The following ATP6V1A variants were observed in gnomAD, a reference collection of about 807,000 sequenced individuals.
ATP6V1A encodes the protein ATPase H+ transporting V1 subunit A, also known as V-type proton ATPase catalytic subunit A.
In ATP6V1A, 18 loss-of-function variants were observed where a neutral mutation model predicts 70.1. The ratio of observed to expected loss-of-function variants is 0.26; its 90% confidence interval spans 0.18 to 0.38. The LOEUF is 0.38. Among genes scored for constraint, ATP6V1A ranks in the 10% least tolerant of loss-of-function variants. The pLI is 1.00. For synonymous variants in ATP6V1A, 232 were observed against 253.8 expected, an observed-to-expected ratio of 0.91 and a Z score of 0.82; for missense variants, 424 against 772.4, an observed-to-expected ratio of 0.55 and a Z score of 5.35.
chr3:113,784,177 G>T, intron 3 of ATP6V1A, 47 bp from the exon 4 acceptor site: 1 of 1,532,460 alleles, frequency 6.5e-7, no homozygotes. Flanking sequence ...CCTGTTAATT[G>T]TGTCTTTAAA....
chr3:113,770,666 G>A (rs114767049), intron 1 of ATP6V1A, among the ~76,000 whole-genome samples: 142 of 152,082 alleles, frequency 9.3e-4, no homozygotes, highest in African/African-American at 3.4e-3. Flanking sequence ...GTAGCAGACT[G>A]AGACTCTGTC....
At chr3:113,760,135 T>C (rs1484241511) in intron 1 of ATP6V1A, among the ~76,000 whole-genome samples, 4 of 152,240 alleles carry the variant, frequency 2.6e-5, no homozygotes, top group African/African-American at 9.6e-5. Context: ...TTGTTAATCA[T>C]AGTATACTAG....
chr3:113,784,180 TC>T, intron 3 of ATP6V1A, 43 bp from the exon 4 acceptor site: 1 of 1,542,628 alleles, frequency 6.5e-7, no homozygotes, highest in Non-Finnish European at 8.9e-7. Context: ...GTTAATTGTG[TC>T]TTTAAACCTT....
At chr3:113,760,894 C>A (rs1160715045) in intron 1 of ATP6V1A, among the ~76,000 whole-genome samples, 1 of 151,698 alleles carries the variant, frequency 6.6e-6, no homozygotes, top group Non-Finnish European at 1.5e-5. Flanking sequence ...TGGTGAAACT[C>A]TGTCTCTACT....
intron 1 of ATP6V1A, among the ~76,000 whole-genome samples, chr3:113,748,704 A>T (rs1173900818): frequency 6.6e-6 from 1 of 152,254 alleles, no homozygotes; most frequent in Non-Finnish European, 1.5e-5. Flanking sequence ...GATGCTCCTT[A>T]GTAGAAAACA....
At chr3:113,781,900 T>C (rs148277799) in intron 3 of ATP6V1A, among the ~76,000 whole-genome samples, 1 of 152,326 alleles carries the variant, frequency 6.6e-6, no homozygotes, top group Non-Finnish European at 1.5e-5. Context: ...ATTCTTTTGA[T>C]AGCACTGAGT....
chr3:113,797,661 T>C (rs1199588840), intron 11 of ATP6V1A, among the ~76,000 whole-genome samples: 1 of 152,232 alleles, frequency 6.6e-6, no homozygotes, highest in Non-Finnish European at 1.5e-5. Flanking sequence ...AATTTTTCTT[T>C]TTGCTTTTGG....
chr3:113,784,347 A>G lies in ATP6V1A; in HGVS notation c.335A>G (p.Gln112Arg). 6.2e-7 allele frequency: 1 copy of G among 1,614,190 alleles called. No individual in the cohort carries two copies. ...IQRPLSDISS[Q>R]TQSIYIPRGV... ...AGACCTTTGTCGGATATCAGCAGTC[A>G]GACCCAAAGCATCTACATCCCCAGA... The change falls in exon 4 of 15, where the codon CAG (glutamine) becomes CGG (arginine). Residue 112 changes from glutamine (Q) to arginine (R), a missense_variant. Physicochemically the swap from Gln to Arg is conservative, Grantham distance 43. This residue lies in a region of ATP6V1A where 139 missense variants were observed against 163.5 expected (regional missense o/e 0.85). Coordinates refer to ENST00000273398, the MANE Select transcript of ATP6V1A (RefSeq NM_001690.4).
intron 13 of ATP6V1A, 88 bp from the exon 14 acceptor site, chr3:113,805,266 G>A (rs1709262350): frequency 2.3e-6 from 3 of 1,288,756 alleles, no homozygotes; most frequent in African/African-American, 1.5e-5. Context: ...CTTAGATAAA[G>A]AAACTAATGC....
At chr3:113,799,908 T>C (rs1709190843) in intron 12 of ATP6V1A, among the ~76,000 whole-genome samples, 1 of 152,090 alleles carries the variant, frequency 6.6e-6, no homozygotes, top group African/African-American at 2.4e-5. Context: ...AAACAGTCCA[T>C]GCTCTTGGAC....
At chr3:113,761,087 A>ATC (rs1708699425) in intron 1 of ATP6V1A, among the ~76,000 whole-genome samples, 1 of 126,948 alleles carries the variant, frequency 7.9e-6, no homozygotes, top group African/African-American at 3.0e-5. Flanking sequence ...AAATAGACAT[A>ATC]TTTTCTTTTC....
chr3:113,761,476 C>T (rs1227948480), intron 1 of ATP6V1A, among the ~76,000 whole-genome samples: 3 of 151,916 alleles, frequency 2.0e-5, no homozygotes, highest in South Asian at 2.1e-4. Flanking sequence ...GTGGCTCGCA[C>T]GTGTTATCCC....
At chr3:113,766,994 G>A (rs560907639) in intron 1 of ATP6V1A, among the ~76,000 whole-genome samples, 2 of 151,740 alleles carry the variant, frequency 1.3e-5, no homozygotes, top group East Asian at 3.9e-4. Context: ...TATTTCATAG[G>A]ACTAGTGTTA....
intron 14 of ATP6V1A, among the ~76,000 whole-genome samples, chr3:113,807,481 A>G (rs965529292): frequency 6.6e-6 from 1 of 152,102 alleles, no homozygotes; most frequent in Middle Eastern, 3.2e-3. Flanking sequence ...ACGCTAAACC[A>G]AATTTCTTAA....
rs1169973323 is a variant in ATP6V1A, at chr3:113,809,474, C to T, written c.*47C>T. ...TGATTTCCTTTTCCTCAGCAAGCTCCTATGTGTATATTTTCCTGAATTTCT... is the reference window on the plus strand; with the variant it reads ...TGATTTCCTTTTCCTCAGCAAGCTCTTATGTGTATATTTTCCTGAATTTCT... On this transcript the variant is annotated 3_prime_UTR_variant, in exon 15 of 15. Transcript: ENST00000273398. 34 of 1,535,680 alleles carry T rather than the reference C, an allele frequency of 2.2e-5. No homozygotes were observed. Among genetic ancestry groups the T allele is most frequent in the Non-Finnish European group, 2.9e-5 (32 of 1,116,960 alleles).
At chr3:113,804,023 G>A (rs942958242) in intron 13 of ATP6V1A, among the ~76,000 whole-genome samples, 1 of 152,104 alleles carries the variant, frequency 6.6e-6, no homozygotes, top group African/African-American at 2.4e-5. Flanking sequence ...TTTGAGACAG[G>A]GTCTCACTCT....
intron 12 of ATP6V1A, among the ~76,000 whole-genome samples, chr3:113,802,276 T>A (rs1465214866): frequency 6.6e-6 from 1 of 152,202 alleles, no homozygotes; most frequent in Non-Finnish European, 1.5e-5. Flanking sequence ...ATAATTAAGA[T>A]AGCAAGCCAA....
intron 1 of ATP6V1A, among the ~76,000 whole-genome samples, chr3:113,777,905 T>G (rs1004827335): frequency 2.0e-5 from 3 of 152,092 alleles, no homozygotes; most frequent in Admixed American, 2.0e-4. Flanking sequence ...CATGATTAAG[T>G]GAAAGAGTAG....
intron 1 of ATP6V1A, among the ~76,000 whole-genome samples, chr3:113,759,658 G>A (rs909046365): frequency 2.0e-5 from 3 of 152,030 alleles, no homozygotes; most frequent in African/African-American, 4.8e-5. Flanking sequence ...AGGTCATTCT[G>A]TGATGGTAAT....
Sources: allele counts gnomAD v4.1 joint callset (sites outside exome capture counted in the v4.1 genomes callset), GRCh38; gene constraint gnomAD v4.1.1; regional missense constraint gnomAD v4.1.1; transcripts MANE v1.5; gene names NCBI Gene and HGNC (gene_info 2026-07-23, HGNC 2026-07-21).